The following EPB41L4B variants were observed in gnomAD, a reference collection of about 807,000 sequenced individuals.
EPB41L4B encodes erythrocyte membrane protein band 4.1 like 4B.
Under a neutral mutation model 112.5 loss-of-function variants are expected in EPB41L4B, and 30 were observed. That is an observed-to-expected ratio of 0.27 (90% CI 0.20 to 0.36). The LOEUF is 0.36. Ranked by LOEUF, EPB41L4B falls within the 10% of genes least tolerant of loss-of-function variation. The pLI, the probability that EPB41L4B is intolerant of heterozygous loss-of-function variation, is 1.00. For missense variants in EPB41L4B, 1,024 were observed against 1,133.3 expected, an observed-to-expected ratio of 0.90 and a Z score of 1.38; for synonymous variants, 408 against 439.7, an observed-to-expected ratio of 0.93 and a Z score of 0.90.
intron 2 of EPB41L4B, among the ~76,000 whole-genome samples, chr9:109,278,074 G>A (rs1029407989): frequency 2.0e-5 from 3 of 152,148 alleles, no homozygotes; most frequent in East Asian, 1.9e-4. Flanking sequence ...CGAGGGATGC[G>A]AAGGACAGTC....
intron 2 of EPB41L4B, 29 bp from the exon 3 acceptor site, chr9:109,268,462 G>T (rs753939213): frequency 1.9e-6 from 3 of 1,597,332 alleles, no homozygotes; most frequent in Non-Finnish European, 8.5e-7. Context: ...GTTTCTTTAG[G>T]AATAGTTCAT....
rs114654319 is a variant in EPB41L4B at position 109,319,087 on chromosome 9, A to G, written c.306+1054T>C. ...ATCTGTAACATTCATCTAAAGCTCA[A>G]TTACCGCTGTGTCCTCAGTCACACC... On this transcript the variant is annotated intron_variant, in intron 1 of 25. Coordinates refer to ENST00000374566, the MANE Select transcript of EPB41L4B (RefSeq NM_019114.5). Among the ~76,000 whole-genome samples the G allele has an allele frequency of 8.5e-3, 1,293 of 152,322 alleles. 13 individuals are homozygous for G. Among genetic ancestry groups the G allele is most frequent in the African/African-American group, 0.03 (1,232 of 41,554 alleles).
chr9:109,314,960 C>A lies in EPB41L4B; in HGVS notation c.306+5181G>T, dbSNP rs142790893. 7.1e-4 allele frequency among the ~76,000 whole-genome samples: 108 copies of A among 152,306 alleles called. 1 individual carries two copies. Among genetic ancestry groups the A allele is most frequent in the Middle Eastern group, 3.4e-3 (1 of 294 alleles). On this transcript the variant is annotated intron_variant, in intron 1 of 25. Coordinates refer to ENST00000374566, the MANE Select transcript of EPB41L4B (RefSeq NM_019114.5). ...GACAGCTCTATCTCAAACCTTCACC[C>A]TCCCCAACACACTCACCCAACTCCA...
intron 24 of EPB41L4B, among the ~76,000 whole-genome samples, chr9:109,178,218 T>G (rs961987901): frequency 1.3e-5 from 2 of 151,938 alleles, no homozygotes; most frequent in Admixed American, 1.3e-4. Context: ...GCTTGGCCAT[T>G]TAGTATTTTT....
chr9:109,268,175 C>T (rs1173258062), intron 3 of EPB41L4B, among the ~76,000 whole-genome samples: 3 of 152,296 alleles, frequency 2.0e-5, no homozygotes, highest in African/African-American at 7.2e-5. Context: ...CAAATGAGAG[C>T]ACAGTTGGTT....
intron 17 of EPB41L4B, among the ~76,000 whole-genome samples, chr9:109,210,901 T>G (rs575297803): frequency 6.6e-6 from 1 of 152,366 alleles, no homozygotes; most frequent in East Asian, 1.9e-4. Flanking sequence ...TTTCAAAACA[T>G]AGACATGAAT....
chr9:109,287,709 C>G (rs1394267574), intron 1 of EPB41L4B, among the ~76,000 whole-genome samples: 1 of 152,148 alleles, frequency 6.6e-6, no homozygotes, highest in African/African-American at 2.4e-5. Flanking sequence ...TCATGGCTAA[C>G]ACCAGCCTTG....
At chr9:109,214,569 C>G (rs1032629734) in intron 16 of EPB41L4B, among the ~76,000 whole-genome samples, 1 of 152,124 alleles carries the variant, frequency 6.6e-6, no homozygotes, top group African/African-American at 2.4e-5. Context: ...CACTGACAAG[C>G]GAACATTTGA....
At position 109,192,360 on chromosome 9, in the gene EPB41L4B, G is replaced by T. The variant is rs748799141; in HGVS notation, c.2224-5C>A. On this transcript the variant is annotated splice_polypyrimidine_tract_variant and splice_region_variant and intron_variant, in intron 21 of 25. Transcript: ENST00000374566. Reference sequence around the variant, plus strand: ...ACCTCCTCGGTCAGAGGGGCTCTAGGGAGACAGACAAACACCCCTGGTTAG... The same window carrying T: ...ACCTCCTCGGTCAGAGGGGCTCTAGTGAGACAGACAAACACCCCTGGTTAG... 6.3e-7 allele frequency: 1 copy of T among 1,598,994 alleles called. No individual in the cohort carries two copies. Among genetic ancestry groups the T allele is most frequent in the Non-Finnish European group, 8.5e-7 (1 of 1,174,810 alleles).
intron 17 of EPB41L4B, among the ~76,000 whole-genome samples, chr9:109,211,902 G>T (rs1042116630): frequency 2.1e-5 from 2 of 96,598 alleles, no homozygotes; most frequent in Non-Finnish European, 4.1e-5. Flanking sequence ...TTATAGTAGA[G>T]ATGGGGGGGG....
At position 109,320,303 on chromosome 9, in the gene EPB41L4B, C is replaced by T; in HGVS notation, c.144G>A (p.Ser48=). The part of the protein sequence containing the change: ...RGGPAAAASS[S]ALPAAPGGSV... Reference sequence around the variant, plus strand: ...TGCCCCCGGGCGCGGCGGGCAGCGCCGAGGAGGAGGCGGCGGCGGCCGGGC... The same window carrying T: ...TGCCCCCGGGCGCGGCGGGCAGCGCTGAGGAGGAGGCGGCGGCGGCCGGGC... The change falls in exon 1 of 26, where the codon TCG becomes TCA. Residue 48 remains serine, a synonymous_variant. Transcript: ENST00000374566. The T allele has an allele frequency of 9.5e-7, 1 of 1,050,646 alleles. No individual in the cohort carries two copies. The highest frequency in any genetic ancestry group is 1.1e-6 in the Non-Finnish European group (1 of 872,976). The allele number at this position is 1,050,646 out of a possible 1,614,324, so 65.1% of individuals were successfully genotyped here.
At chr9:109,264,309 T>A in intron 5 of EPB41L4B, among the ~76,000 whole-genome samples, 1 of 152,236 alleles carries the variant, frequency 6.6e-6, no homozygotes, top group East Asian at 1.9e-4. Context: ...CAGGGGTTAC[T>A]TTTTAGACTC....
At chr9:109,251,365 A>G (rs1256613772) in intron 13 of EPB41L4B, 116 bp downstream of exon 13, 2 of 1,026,596 alleles carry the variant, frequency 1.9e-6, no homozygotes, top group Non-Finnish European at 3.1e-6. Flanking sequence ...AAAAGGGGAA[A>G]AAAATTACCA....
At chr9:109,186,007 G>A (rs377605192) in intron 22 of EPB41L4B, among the ~76,000 whole-genome samples, 5 of 152,150 alleles carry the variant, frequency 3.3e-5, no homozygotes, top group African/African-American at 9.6e-5. Context: ...AGATAGCCAG[G>A]ATGACTTAGT....
rs778429205 is a variant in EPB41L4B, at chr9:109,267,524, C to T, written c.482G>A (p.Arg161Gln). ...TGGTTCTGAAGAATAGTATTTAACT[C>T]GAAAGTGTAAAGCATAAGCAGGTCC... ...KIGPAYALHFRVKYYSSEPNN... is the reference protein window; with the variant it reads ...KIGPAYALHFQVKYYSSEPNN... Residue 161 changes from arginine (R) to glutamine (Q), a missense_variant, in exon 4 of 26, where the codon CGA becomes CAA. Physicochemically the swap from Arg to Gln is conservative, Grantham distance 43. Coordinates refer to ENST00000374566, the MANE Select transcript of EPB41L4B (RefSeq NM_019114.5). The T allele has an allele frequency of 7.4e-6, 12 of 1,613,212 alleles. No individual in the cohort carries two copies. Among genetic ancestry groups the T allele is most frequent in the East Asian group, 6.7e-5 (3 of 44,878 alleles).
Position 109,289,539 on chromosome 9 carries a change from A to G in EPB41L4B, c.307-9618T>C, listed in dbSNP as rs537986081. On this transcript the variant is annotated intron_variant, in intron 1 of 25. Transcript: ENST00000374566. The stretch of plus-strand genomic sequence containing the variant: ...ATTAAGGAGAATCCTCAGTTCCTAC[A>G]ACAGTCTTCAAACAACTCACTTTTC... Among the ~76,000 whole-genome samples, 6 of 152,362 alleles carry G rather than the reference A, an allele frequency of 3.9e-5. No individual in the cohort carries two copies. The South Asian group carries it at 1.2e-3, about 32-fold the overall frequency.
At chr9:109,302,422 T>C (rs1837004177) in intron 1 of EPB41L4B, among the ~76,000 whole-genome samples, 1 of 152,210 alleles carries the variant, frequency 6.6e-6, no homozygotes. Flanking sequence ...GGACCTCCTT[T>C]TAACTTAAAT....
intron 13 of EPB41L4B, among the ~76,000 whole-genome samples, chr9:109,249,498 T>G (rs13290833): frequency 1.0e-3 from 158 of 151,876 alleles, no homozygotes; most frequent in Non-Finnish European, 2.0e-3. Flanking sequence ...CTTTTTTTTT[T>G]GGGCAGAATT....
chr9:109,305,411 G>A (rs530968188), intron 1 of EPB41L4B, among the ~76,000 whole-genome samples: 1 of 152,290 alleles, frequency 6.6e-6, no homozygotes, highest in South Asian at 2.1e-4. Flanking sequence ...TTGTGGTCAG[G>A]AGTTCAAGAC....
Sources: allele counts gnomAD v4.1 joint callset (sites outside exome capture counted in the v4.1 genomes callset), GRCh38; gene constraint gnomAD v4.1.1; transcripts MANE v1.5; gene names NCBI Gene and HGNC (gene_info 2026-07-23, HGNC 2026-07-21).